The following ZNF385B variants were observed in gnomAD, a reference collection of about 807,000 sequenced individuals.
ZNF385B encodes zinc finger protein 533.
Under a neutral mutation model 39.2 loss-of-function variants are expected in ZNF385B, and 23 were observed. That is an observed-to-expected ratio of 0.59 (90% CI 0.42 to 0.83). The LOEUF (loss-of-function observed/expected upper bound fraction) is 0.83. Among genes scored for constraint, ZNF385B ranks in the 40% least tolerant of loss-of-function variants. ZNF385B has a pLI of 0.00. For missense variants in ZNF385B, 552 were observed against 598.9 expected (o/e 0.92, Z 0.82); for synonymous variants, 205 against 222.6 (o/e 0.92, Z 0.70).
chr2:179,605,095 C>T (rs928769874), intron 3 of ZNF385B, among the ~76,000 whole-genome samples: 1 of 152,024 alleles, frequency 6.6e-6, no homozygotes, highest in African/African-American at 2.4e-5. Context: ...CTGAGAGAGA[C>T]ATGTTTAAAA....
intron 3 of ZNF385B, among the ~76,000 whole-genome samples, chr2:179,627,458 C>G (rs1460108614): frequency 6.6e-6 from 1 of 152,152 alleles, no homozygotes; most frequent in Non-Finnish European, 1.5e-5. Context: ...GAAACTAATG[C>G]TCAGAAAAAC....
chr2:179,646,705 A>G (rs1405384621), intron 3 of ZNF385B, among the ~76,000 whole-genome samples: 1 of 152,218 alleles, frequency 6.6e-6, no homozygotes, highest in Non-Finnish European at 1.5e-5. Context: ...ATCGTAGCCT[A>G]CAATTTGCAA....
At chr2:179,791,736 G>A (rs1212686239) in intron 1 of ZNF385B, among the ~76,000 whole-genome samples, 1 of 152,094 alleles carries the variant, frequency 6.6e-6, no homozygotes, top group East Asian at 1.9e-4. Flanking sequence ...TTGATTTTTT[G>A]TTCTTAATGA....
intron 6 of ZNF385B, among the ~76,000 whole-genome samples, chr2:179,448,441 A>T (rs73973273): frequency 6.6e-6 from 1 of 152,122 alleles, no homozygotes; most frequent in Non-Finnish European, 1.5e-5. Flanking sequence ...CCTTGCTTCA[A>T]GCATTTCATA....
chr2:179,622,554 G>T (rs1690305731), intron 3 of ZNF385B, among the ~76,000 whole-genome samples: 1 of 152,282 alleles, frequency 6.6e-6, no homozygotes, highest in South Asian at 2.1e-4. Context: ...CCCAGGAAGG[G>T]TTATAGAAGT....
intron 1 of ZNF385B, among the ~76,000 whole-genome samples, chr2:179,816,808 T>C (rs894249538): frequency 9.2e-5 from 14 of 152,238 alleles, no homozygotes; most frequent in Admixed American, 9.2e-4. Context: ...GAATATAATA[T>C]ACTGTACTCT....
At chr2:179,561,387 TAATC>T (rs1361807250) in intron 3 of ZNF385B, among the ~76,000 whole-genome samples, 2 of 152,158 alleles carry the variant, frequency 1.3e-5, no homozygotes, top group Non-Finnish European at 2.9e-5. Flanking sequence ...TTGGAAAAAT[TAATC>T]AATTTCTGGC....
At chr2:179,827,690 G>A (rs1707755169) in intron 1 of ZNF385B, among the ~76,000 whole-genome samples, 1 of 152,100 alleles carries the variant, frequency 6.6e-6, no homozygotes, top group Non-Finnish European at 1.5e-5. Context: ...GCCTTCACTG[G>A]AGCCAAAGTT....
chr2:179,493,722 C>CATATATGTATACATATGT (rs2055699901), intron 5 of ZNF385B, among the ~76,000 whole-genome samples: 2 of 59,280 alleles, frequency 3.4e-5, no homozygotes, highest in Non-Finnish European at 7.7e-5. Context: ...TATGCATATA[C>CATATATGTATACATATGT]GTATATACAT....
intron 3 of ZNF385B, among the ~76,000 whole-genome samples, chr2:179,757,244 C>A (rs62180375): frequency 2.6e-3 from 366 of 138,544 alleles, no homozygotes; most frequent in South Asian, 4.2e-3. Context: ...ACCCTGTTTG[C>A]CTGGGTATCA....
chr2:179,708,863 C>T (rs1699802794), intron 3 of ZNF385B, among the ~76,000 whole-genome samples: 1 of 152,146 alleles, frequency 6.6e-6, no homozygotes. Flanking sequence ...GAACATACCC[C>T]AAACAAAACA....
At chr2:179,550,838 G>A (rs543719997) in intron 3 of ZNF385B, among the ~76,000 whole-genome samples, 1 of 146,370 alleles carries the variant, frequency 6.8e-6, no homozygotes, top group South Asian at 2.2e-4. Context: ...TCTCACCTCT[G>A]GGTGCCTGAA....
Position 179,446,599 on chromosome 2 carries a change from G to T in ZNF385B, c.887C>A (p.Ala296Asp), listed in dbSNP as rs1287967714. 1.2e-6 allele frequency: 2 copies of T among 1,613,924 alleles called. No individual in the cohort carries two copies. The highest frequency in any genetic ancestry group is 3.3e-5 in the Admixed American group (2 of 60,000). Residue 296 changes from alanine to aspartate, a missense_variant, in exon 7 of 10, where the codon GCC (alanine) becomes GAC (aspartate). Transcript: ENST00000410066. ...GTVVESEEEK[A>D]KKLLYCSLCK... is the part of the protein sequence containing the mutation. ...TAGTGAACAATAAAGTAATTTTTTG[G>T]CTTTTTCTTCTTCTGATTCAACAAC...
chr2:179,624,464 T>A (rs1002885617), intron 3 of ZNF385B, among the ~76,000 whole-genome samples: 5 of 152,242 alleles, frequency 3.3e-5, no homozygotes, highest in South Asian at 2.1e-4. Context: ...CTTCTGTCTT[T>A]CTAGTTTACT....
chr2:179,768,208 C>T (rs957293849), intron 3 of ZNF385B, among the ~76,000 whole-genome samples: 1 of 151,760 alleles, frequency 6.6e-6, no homozygotes, highest in Non-Finnish European at 1.5e-5. Flanking sequence ...CCTTGGCCTC[C>T]CAAAGTGCTG....
chr2:179,809,646 G>A (rs1197081933), intron 1 of ZNF385B, among the ~76,000 whole-genome samples: 2 of 151,922 alleles, frequency 1.3e-5, no homozygotes, highest in African/African-American at 2.4e-5. Context: ...AAAGAAACAT[G>A]GGAAAAATAC....
intron 3 of ZNF385B, among the ~76,000 whole-genome samples, chr2:179,595,598 G>A (rs1476584787): frequency 6.6e-6 from 1 of 151,638 alleles, no homozygotes; most frequent in Non-Finnish European, 1.5e-5. Context: ...CAAGCTAAAG[G>A]TTGTTTTTCA....
At chr2:179,475,208 A>T (rs574683119) in intron 6 of ZNF385B, among the ~76,000 whole-genome samples, 4 of 152,060 alleles carry the variant, frequency 2.6e-5, no homozygotes, top group Admixed American at 2.0e-4. Context: ...AGTCATAGCC[A>T]TGCTGGACAA....
At chr2:179,806,019 A>C (rs762211498) in intron 1 of ZNF385B, among the ~76,000 whole-genome samples, 2 of 152,210 alleles carry the variant, frequency 1.3e-5, no homozygotes, top group Non-Finnish European at 2.9e-5. Context: ...AGGGAAAAAT[A>C]TCTTAAACCT....
Sources: allele counts gnomAD v4.1 joint callset (sites outside exome capture counted in the v4.1 genomes callset), GRCh38; gene constraint gnomAD v4.1.1; transcripts MANE v1.5; gene names NCBI Gene and HGNC (gene_info 2026-07-23, HGNC 2026-07-21).